The following IQSEC3 variants were observed in gnomAD, a reference collection of about 807,000 sequenced individuals.
IQSEC3 encodes the protein IQ motif and Sec7 domain ArfGEF 3.
IQSEC3 carries 50 observed loss-of-function variants against 105.4 expected under a neutral mutation model. That is an observed-to-expected ratio of 0.47 (90% CI 0.38 to 0.60). The LOEUF (loss-of-function observed/expected upper bound fraction) is 0.60, where lower values mean the gene tolerates loss of function less well. IQSEC3 is among the 20% of genes least tolerant of loss of function. The pLI, the probability that IQSEC3 is intolerant of heterozygous loss-of-function variation, is 0.00. For synonymous variants in IQSEC3, 708 were observed against 746.0 expected (o/e 0.95, Z 0.83); for missense variants, 1,415 against 1,630.0 (o/e 0.87, Z 2.27).
At chr12:79,965 T>C (rs1027431431) in intron 1 of IQSEC3, among the ~76,000 whole-genome samples, 5 of 152,224 alleles carry the variant, frequency 3.3e-5, no homozygotes, top group Admixed American at 6.5e-5. Flanking sequence ...TAATGTATCT[T>C]AGTGATCTTT....
At chr12:90,468 T>C (rs1441059998) in intron 1 of IQSEC3, among the ~76,000 whole-genome samples, 1 of 152,248 alleles carries the variant, frequency 6.6e-6, no homozygotes, top group African/African-American at 2.4e-5. Flanking sequence ...TTATCTGTTA[T>C]TTTAAGTCTA....
intron 2 of IQSEC3, among the ~76,000 whole-genome samples, chr12:125,247 G>C (rs7303592): frequency 0.082 from 12,537 of 152,232 alleles, 810 homozygotes; most frequent in South Asian, 0.19. Context: ...TGTGAGGTAG[G>C]TACTGTTACT....
chr12:141,802 A>C, intron 5 of IQSEC3: 3 of 153,306 alleles, frequency 2.0e-5, no homozygotes, highest in Non-Finnish European at 1.5e-5. Flanking sequence ...TACCAACAAA[A>C]TCATGACCAA....
Position 85,520 on chromosome 12 carries a change from T to G in IQSEC3, c.555-13626T>G, listed in dbSNP as rs185555335. On this transcript the variant is annotated intron_variant, in intron 1 of 13. Transcript: ENST00000538872. ...CTCAAGCTGGGCAACTAAATGGCTC[T>G]GGCATTTCTGACAGTGCCACCCTGC... Among the ~76,000 whole-genome samples, 652 of 152,366 alleles carry G rather than the reference T, an allele frequency of 4.3e-3. 8 individuals are homozygous for G. Among genetic ancestry groups the G allele is most frequent in the African/African-American group, 0.014 (599 of 41,576 alleles).
Position 162,062 on chromosome 12 carries a change from G to A in IQSEC3, c.2580G>A (p.Lys860=). The A allele has an allele frequency of 6.2e-7, 1 of 1,613,700 alleles. No homozygotes were observed. The highest frequency in any genetic ancestry group is 8.5e-7 in the Non-Finnish European group (1 of 1,179,952). Residue 860 remains lysine (K), a synonymous_variant, in exon 8 of 14, where the codon AAG becomes AAA. Coordinates refer to ENST00000538872, the MANE Select transcript of IQSEC3 (RefSeq NM_001170738.2). ...TGGAGAAGTCCATTGTGGGCATGAA[G>A]ACAGTGAGTGTCCACAAGCTACCTA... ...TKVEKSIVGM[K]TVLSVPHRRL...
intron 2 of IQSEC3, among the ~76,000 whole-genome samples, chr12:121,036 C>T (rs974001387): frequency 6.6e-6 from 1 of 152,180 alleles, no homozygotes; most frequent in Admixed American, 6.5e-5. Flanking sequence ...GTGGAGAGCC[C>T]CAGGACCCCC....
chr12:92,236 G>A (rs1421543775), intron 1 of IQSEC3, among the ~76,000 whole-genome samples: 1 of 152,178 alleles, frequency 6.6e-6, no homozygotes, highest in African/African-American at 2.4e-5. Flanking sequence ...TTCCCTCAAG[G>A]AACATGGCCC....
chr12:93,705 A>G (rs1864162510), intron 1 of IQSEC3, among the ~76,000 whole-genome samples: 1 of 151,924 alleles, frequency 6.6e-6, no homozygotes, highest in Non-Finnish European at 1.5e-5. Context: ...TCCCCTCCAA[A>G]CCTCACGTGG....
intron 11 of IQSEC3, among the ~76,000 whole-genome samples, chr12:168,276 G>C (rs562499025): frequency 6.6e-6 from 1 of 152,328 alleles, no homozygotes; most frequent in East Asian, 1.9e-4. Context: ...TTAAAGTTGA[G>C]TACCTAGACA....
chr12:125,148 C>T (rs772995065), intron 2 of IQSEC3, among the ~76,000 whole-genome samples: 23 of 152,260 alleles, frequency 1.5e-4, no homozygotes, highest in Admixed American at 3.9e-4. Context: ...GCCGGGCCAC[C>T]GATACTTACA....
intron 1 of IQSEC3, among the ~76,000 whole-genome samples, chr12:92,816 C>T (rs1422960652): frequency 6.6e-6 from 1 of 152,194 alleles, no homozygotes; most frequent in Non-Finnish European, 1.5e-5. Context: ...TGTGCAGCCC[C>T]TGGGAAGCAG....
chr12:155,192 A>C (rs1216188495), intron 5 of IQSEC3, among the ~76,000 whole-genome samples: 1 of 152,184 alleles, frequency 6.6e-6, no homozygotes, highest in Non-Finnish European at 1.5e-5. Context: ...GGGAAATCAG[A>C]GCAGCCTCTC....
rs1249537354 is a variant in IQSEC3, at chr12:138,738, G to A, written c.1375G>A (p.Ala459Thr). The A allele has an allele frequency of 5.3e-6, 8 of 1,513,804 alleles. No homozygotes were observed. In the East Asian group the frequency reaches 9.8e-5, roughly 19 times the overall value. 93.8% of individuals were successfully genotyped at this position (1,513,804 alleles called of 1,614,324 possible). ...LEAEGRAPES[A>T]GPGPGDDAAE... is the part of the protein sequence containing the mutation. Reference sequence around the variant, plus strand: ...GGCCGAGGGGCGGGCGCCGGAGAGCGCGGGCCCCGGGCCCGGGGATGACGC... The same window carrying A: ...GGCCGAGGGGCGGGCGCCGGAGAGCACGGGCCCCGGGCCCGGGGATGACGC... The change falls in exon 4 of 14, where the codon GCG becomes ACG. Residue 459 changes from alanine to threonine, a missense_variant. Ala to Thr is a moderately conservative substitution (Grantham distance 58). Coordinates refer to ENST00000538872, the MANE Select transcript of IQSEC3 (RefSeq NM_001170738.2). This position sits in a 1 kb window ranked among gnomAD's most constrained non-coding sequence, Gnocchi z 7.1.
rs1555087313 is a variant in IQSEC3, at chr12:138,515, G to A, written c.1152G>A (p.Ser384=). 1.3e-6 allele frequency: 2 copies of A among 1,578,778 alleles called. No individual in the cohort carries two copies. The highest frequency in any genetic ancestry group is 2.3e-5 in the East Asian group (1 of 43,118). The part of the protein sequence containing the change: ...YGLVGLPLVR[S]PSLPPTFAGT... ...TCGTGGGGCTGCCGCTGGTGCGCTC[G>A]CCCTCCCTGCCGCCCACCTTCGCAG... is the stretch of plus-strand genomic sequence containing the variant. Residue 384 remains serine, a synonymous_variant, in exon 4 of 14, where the codon TCG becomes TCA. Transcript: ENST00000538872. This position sits in a 1 kb window ranked among gnomAD's most constrained non-coding sequence, Gnocchi z 7.1.
intron 7 of IQSEC3, among the ~76,000 whole-genome samples, chr12:160,817 A>G (rs1035037680): frequency 9.2e-5 from 14 of 152,254 alleles, no homozygotes; most frequent in African/African-American, 3.1e-4. Context: ...GGTTTGCTAA[A>G]TCCATCCACT....
intron 3 of IQSEC3, among the ~76,000 whole-genome samples, chr12:132,662 C>T (rs1397233978): frequency 6.6e-6 from 1 of 152,082 alleles, no homozygotes; most frequent in African/African-American, 2.4e-5. Context: ...AAACGAAAAC[C>T]CCAGGACAAG....
intron 5 of IQSEC3, chr12:141,687 G>A (rs1254399327): frequency 1.5e-5 from 3 of 197,780 alleles, no homozygotes; most frequent in African/African-American, 6.9e-5. Flanking sequence ...ATTCTCCAAG[G>A]TTCATTTTCA....
chr12:115,810 C>T (rs1865029546), intron 2 of IQSEC3, among the ~76,000 whole-genome samples: 1 of 152,190 alleles, frequency 6.6e-6, no homozygotes, highest in African/African-American at 2.4e-5. Flanking sequence ...CTGCTGCCTT[C>T]CAGCCCTTGT....
At position 175,079 on chromosome 12, in the gene IQSEC3, G is replaced by A; in HGVS notation, c.*46G>A. 1 of 1,407,438 alleles carries A rather than the reference G, an allele frequency of 7.1e-7. No homozygotes were observed. Among genetic ancestry groups the A allele is most frequent in the Non-Finnish European group, 9.4e-7 (1 of 1,062,172 alleles). The allele number at this position is 1,407,438 out of a possible 1,614,324, so 87.2% of individuals were successfully genotyped here. On this transcript the variant is annotated 3_prime_UTR_variant, in exon 14 of 14. Coordinates refer to ENST00000538872, the MANE Select transcript of IQSEC3 (RefSeq NM_001170738.2). Reference sequence around the variant, plus strand: ...TGTCCTGGGAGGGCTGGCCACTGGGGGGCCTGGGCTGCCCCTCCACTGCTC... The same window carrying A: ...TGTCCTGGGAGGGCTGGCCACTGGGAGGCCTGGGCTGCCCCTCCACTGCTC...
Sources: allele counts gnomAD v4.1 joint callset (sites outside exome capture counted in the v4.1 genomes callset), GRCh38; gene constraint gnomAD v4.1.1; non-coding constraint Gnocchi (gnomAD v3.1); transcripts MANE v1.5; gene names NCBI Gene and HGNC (gene_info 2026-07-23, HGNC 2026-07-21).